Variants in DAPK1 observed in about 807,000 individuals in gnomAD.
DAPK1 encodes the protein death-associated protein kinase 1.
A neutral mutation model predicts 144.9 loss-of-function variants in DAPK1; 56 were observed. That is an observed-to-expected ratio of 0.39 (90% CI 0.31 to 0.48). The LOEUF is 0.48. DAPK1 is among the 20% of genes least tolerant of loss of function. The pLI is 0.95. For synonymous variants in DAPK1, 690 were observed against 749.0 expected (o/e 0.92, Z 1.29); for missense variants, 1,454 against 1,875.4 (o/e 0.78, Z 4.15).
At chr9:87,602,327 C>T (rs955015596) in intron 2 of DAPK1, among the ~76,000 whole-genome samples, 6 of 152,132 alleles carry the variant, frequency 3.9e-5, no homozygotes, top group Non-Finnish European at 7.4e-5. Context: ...CAGCACTTTT[C>T]GTATGGGGAC....
At chr9:87,515,930 C>G (rs1158719861) in intron 2 of DAPK1, among the ~76,000 whole-genome samples, 1 of 152,176 alleles carries the variant, frequency 6.6e-6, no homozygotes, top group Non-Finnish European at 1.5e-5. Context: ...CCCCATTTCC[C>G]TGCAGTGGTC....
chr9:87,523,228 T>G (rs939412106), intron 2 of DAPK1, among the ~76,000 whole-genome samples: 8 of 152,240 alleles, frequency 5.3e-5, no homozygotes, highest in African/African-American at 1.9e-4. Flanking sequence ...TTTTTTAAAA[T>G]AGTCGGATTT....
At chr9:87,600,233 G>A (rs1015920744) in intron 2 of DAPK1, among the ~76,000 whole-genome samples, 2 of 152,180 alleles carry the variant, frequency 1.3e-5, no homozygotes, top group African/African-American at 2.4e-5. Flanking sequence ...AATTTTCCAC[G>A]ATCCGTGCAT....
chr9:87,534,437 G>T (rs1825798625), intron 2 of DAPK1, among the ~76,000 whole-genome samples: 1 of 151,966 alleles, frequency 6.6e-6, no homozygotes. Flanking sequence ...CTTCATAGAT[G>T]TTTACTTTCC....
chr9:87,587,467 C>T (rs942432272), intron 2 of DAPK1, among the ~76,000 whole-genome samples: 23 of 152,224 alleles, frequency 1.5e-4, no homozygotes, highest in African/African-American at 4.3e-4. Context: ...TAGAAACAGC[C>T]TCAAACAGCT....
In DAPK1 at chr9:87,537,052, A is replaced by G. The variant is rs1034135308; in HGVS notation, c.62+37913A>G. 2.1e-4 allele frequency among the ~76,000 whole-genome samples: 32 copies of G among 151,674 alleles called. No homozygotes were observed. In the South Asian group the frequency reaches 2.5e-3, roughly 12 times the overall value. ...ACCCAGTCTGGAGTGCGATGGCCCA[A>G]TCTTGGCTCACTGCAGCTCTGCCTC... On this transcript the variant is annotated intron_variant, in intron 2 of 25. Transcript: ENST00000408954.
chr9:87,593,789 A>G (rs1007571220), intron 2 of DAPK1, among the ~76,000 whole-genome samples: 3 of 152,220 alleles, frequency 2.0e-5, no homozygotes, highest in Non-Finnish European at 4.4e-5. Context: ...CAAGTTGAGA[A>G]CAAATCATTC....
chr9:87,669,357 TG>T (rs11346223), intron 19 of DAPK1, among the ~76,000 whole-genome samples: 18,924 of 151,274 alleles, frequency 0.13, 1,315 homozygotes, highest in East Asian at 0.26. Context: ...GGGGGGTCAC[TG>T]GGCTTCAAAG....
At chr9:87,646,683 A>G in intron 13 of DAPK1, 124 bp downstream of exon 13, 1 of 705,454 alleles carries the variant, frequency 1.4e-6, no homozygotes, top group Non-Finnish European at 2.4e-6. Context: ...GTAAAGGAAG[A>G]TGAGCTGCTT....
rs764019236 is a variant in DAPK1, at chr9:87,706,425, TGAG to T, written c.3360_3362del (p.Glu1120del). On this transcript the variant is annotated inframe_deletion, in exon 26 of 26. Coordinates refer to ENST00000408954, the MANE Select transcript of DAPK1 (RefSeq NM_004938.4). The surrounding 1 kb of genome is among the most constrained non-coding windows in gnomAD (Gnocchi z 9.0). ...ACAACCTGCACCGCTCCTGGGCTGATGAGGAGGACGAGGTGATGGTGTATGGTG... is the reference window on the plus strand; with the variant it reads ...ACAACCTGCACCGCTCCTGGGCTGATGAGGACGAGGTGATGGTGTATGGTG... The T allele has an allele frequency of 6.2e-7, 1 of 1,613,496 alleles. No homozygotes were observed. Among genetic ancestry groups the T allele is most frequent in the Admixed American group, 1.7e-5 (1 of 59,984 alleles).
upstream of DAPK1, among the ~76,000 whole-genome samples, chr9:87,497,495 C>A (rs1258317813): frequency 1.3e-5 from 2 of 152,240 alleles, no homozygotes; most frequent in Non-Finnish European, 2.9e-5. Context: ...TACCAAGCAC[C>A]GTGCCCGGCA....
chr9:87,501,930 A>G (rs928630517), intron 2 of DAPK1, among the ~76,000 whole-genome samples: 5 of 152,172 alleles, frequency 3.3e-5, no homozygotes, highest in African/African-American at 1.2e-4. Context: ...ACCCACTCTG[A>G]CACTCAGGAT....
At chr9:87,653,981 A>G (rs1398607136) in intron 17 of DAPK1, among the ~76,000 whole-genome samples, 3 of 152,230 alleles carry the variant, frequency 2.0e-5, no homozygotes, top group Admixed American at 6.5e-5. Context: ...GGCATGAGCC[A>G]TCACACCTGG....
At chr9:87,663,905 C>A (rs576868526) in intron 18 of DAPK1, among the ~76,000 whole-genome samples, 3 of 152,168 alleles carry the variant, frequency 2.0e-5, no homozygotes, top group African/African-American at 7.2e-5. Context: ...CACCTATTTG[C>A]ATCTAGCCGG....
At chr9:87,528,215 C>G (rs1009770821) in intron 2 of DAPK1, among the ~76,000 whole-genome samples, 1 of 85,114 alleles carries the variant, frequency 1.2e-5, no homozygotes. Context: ...TCTTTTCTTT[C>G]TTTCTTTTTT....
Position 87,556,989 on chromosome 9 carries a change from T to C in DAPK1, c.63-47965T>C, listed in dbSNP as rs549847079. 5.3e-5 allele frequency among the ~76,000 whole-genome samples: 8 copies of C among 152,264 alleles called. No homozygotes were observed. In the South Asian group the frequency reaches 1.7e-3, roughly 32 times the overall value. On this transcript the variant is annotated intron_variant, in intron 2 of 25. Transcript: ENST00000408954. Reference sequence around the variant, plus strand: ...CAGGAACCTTGGCGGAGGTGGGCAGTTGACCTTCGGCTTTCCCCTTGGCCT... The same window carrying C: ...CAGGAACCTTGGCGGAGGTGGGCAGCTGACCTTCGGCTTTCCCCTTGGCCT...
intron 2 of DAPK1, among the ~76,000 whole-genome samples, chr9:87,599,336 T>C (rs189144595): frequency 5.9e-5 from 9 of 152,324 alleles, no homozygotes; most frequent in African/African-American, 2.2e-4. Context: ...TAAAGAAATA[T>C]GTGTAAAGAG....
chr9:87,560,790 C>T (rs1203054748), intron 2 of DAPK1, among the ~76,000 whole-genome samples: 2 of 151,636 alleles, frequency 1.3e-5, no homozygotes, highest in Admixed American at 6.6e-5. Context: ...CTCAGCCTCC[C>T]GAGTAGCTAA....
rs777308298 is a variant in DAPK1 at position 87,698,764 on chromosome 9, A to G, written c.2720A>G (p.Asp907Gly). 1 of 1,607,694 alleles carries G rather than the reference A, an allele frequency of 6.2e-7. No individual in the cohort carries two copies. The highest frequency in any genetic ancestry group is 1.1e-5 in the South Asian group (1 of 90,948). ...GGAGGCGAGTTTGGATATGACAAAG[A>G]CACATCGTTGCTGAAAGAGATTAGG... ...PAGGEFGYDK[D>G]TSLLKEIRNR... The change falls in exon 23 of 26, where the codon GAC becomes GGC. Residue 907 changes from aspartate (D) to glycine (G), a missense_variant. Transcript: ENST00000408954.
Sources: allele counts gnomAD v4.1 joint callset (sites outside exome capture counted in the v4.1 genomes callset), GRCh38; gene constraint gnomAD v4.1.1; non-coding constraint Gnocchi (gnomAD v3.1); transcripts MANE v1.5; gene names NCBI Gene and HGNC (gene_info 2026-07-23, HGNC 2026-07-21).